The following REDIC1 variants were observed in gnomAD, a reference collection of about 807,000 sequenced individuals.
REDIC1 encodes the protein HEI10 Interacting Protein 1.
the REDIC1 span, among the ~76,000 whole-genome samples, chr12:39,740,534 C>T: frequency 6.6e-6 from 1 of 152,150 alleles, no homozygotes; most frequent in African/African-American, 2.4e-5. Flanking sequence ...CTGGGCACCA[C>T]TTTACAAGGT....
chr12:39,886,106 T>C, the REDIC1 span, among the ~76,000 whole-genome samples: 1 of 152,232 alleles, frequency 6.6e-6, no homozygotes, highest in African/African-American at 2.4e-5. Flanking sequence ...AACAGACCTT[T>C]CAATTGACAG....
At chr12:39,703,510 C>T in the REDIC1 span, among the ~76,000 whole-genome samples, 1 of 151,194 alleles carries the variant, frequency 6.6e-6, no homozygotes, top group Non-Finnish European at 1.5e-5. Context: ...CCATACTGCC[C>T]AAGGTAATTT....
chr12:39,732,259 C>T, the REDIC1 span, among the ~76,000 whole-genome samples: 2 of 152,128 alleles, frequency 1.3e-5, no homozygotes, highest in Non-Finnish European at 2.9e-5. Context: ...TGGAGATTTT[C>T]ATAGTCATGG....
the REDIC1 span, among the ~76,000 whole-genome samples, chr12:39,849,614 G>C: frequency 6.6e-6 from 1 of 152,126 alleles, no homozygotes; most frequent in East Asian, 1.9e-4. Flanking sequence ...GAGCAGTTAA[G>C]CTTCTTTGTT....
chr12:39,822,288 T>C, the REDIC1 span, among the ~76,000 whole-genome samples: 1 of 152,156 alleles, frequency 6.6e-6, no homozygotes, highest in Non-Finnish European at 1.5e-5. Flanking sequence ...ATTGAAAATA[T>C]TTAACTCACT....
chr12:39,880,582 A>G, the REDIC1 span, among the ~76,000 whole-genome samples: 1 of 152,360 alleles, frequency 6.6e-6, no homozygotes, highest in South Asian at 2.1e-4. Flanking sequence ...CAGAAAGTTT[A>G]CTTATTAATC....
chr12:39,661,671 A>T, the REDIC1 span, among the ~76,000 whole-genome samples: 1 of 151,892 alleles, frequency 6.6e-6, no homozygotes, highest in Non-Finnish European at 1.5e-5. Context: ...AGTCCCACTT[A>T]TCTATTTTTT....
At chr12:39,784,952 T>C in the REDIC1 span, among the ~76,000 whole-genome samples, 1 of 152,162 alleles carries the variant, frequency 6.6e-6, no homozygotes, top group African/African-American at 2.4e-5. Flanking sequence ...ATTCAAAAAG[T>C]GACTTGGGTG....
At chr12:39,859,330 T>TTTC in the REDIC1 span, among the ~76,000 whole-genome samples, 1 of 110,144 alleles carries the variant, frequency 9.1e-6, no homozygotes, top group African/African-American at 3.9e-5. Flanking sequence ...TTTTTTTTTT[T>TTTC]CTGAAAAAAA....
chr12:39,744,941 G>A, the REDIC1 span, among the ~76,000 whole-genome samples: 3 of 152,258 alleles, frequency 2.0e-5, no homozygotes, highest in East Asian at 3.9e-4. Flanking sequence ...TTGTTTTCAA[G>A]AAGCTCACTT....
the REDIC1 span, among the ~76,000 whole-genome samples, chr12:39,714,190 T>C: frequency 5.1e-5 from 7 of 137,980 alleles, no homozygotes; most frequent in East Asian, 4.1e-4. Flanking sequence ...CATGCATATA[T>C]GTATATATGT....
the REDIC1 span, among the ~76,000 whole-genome samples, chr12:39,631,365 G>T: frequency 3.9e-5 from 6 of 152,066 alleles, no homozygotes; most frequent in African/African-American, 1.4e-4. Context: ...TTCTGCACAA[G>T]ATTTAATTTT....
At chr12:39,781,377 G>A in the REDIC1 span, among the ~76,000 whole-genome samples, 6 of 53,752 alleles carry the variant, frequency 1.1e-4, no homozygotes, top group African/African-American at 5.1e-4. Flanking sequence ...AGGGAGCCCC[G>A]CACAGTCTGG....
chr12:39,754,576 G>T, the REDIC1 span, among the ~76,000 whole-genome samples: 1 of 152,008 alleles, frequency 6.6e-6, no homozygotes, highest in African/African-American at 2.4e-5. Flanking sequence ...GTGTATATTT[G>T]CTAATTATAG....
At chr12:39,816,468 A>G in the REDIC1 span, among the ~76,000 whole-genome samples, 1 of 150,160 alleles carries the variant, frequency 6.7e-6, no homozygotes, top group Non-Finnish European at 1.5e-5. Flanking sequence ...ATTAGGAGAT[A>G]TACCTAATGT....
At chr12:39,821,134 T>A in the REDIC1 span, among the ~76,000 whole-genome samples, 10 of 152,144 alleles carry the variant, frequency 6.6e-5, 1 homozygote, top group Middle Eastern at 6.8e-3. Context: ...TCAAAAAAAA[T>A]TTTTCGCAGT....
chr12:39,843,667 C>T, the REDIC1 span, among the ~76,000 whole-genome samples: 1 of 152,074 alleles, frequency 6.6e-6, no homozygotes, highest in Non-Finnish European at 1.5e-5. Context: ...CTCTCCAGCT[C>T]TATGCTTCAC....
chr12:39,729,804 G>A, the REDIC1 span, among the ~76,000 whole-genome samples: 17 of 152,130 alleles, frequency 1.1e-4, no homozygotes, highest in Admixed American at 2.0e-4. Context: ...AAGTCTCTTT[G>A]TAGATCTCTA....
the REDIC1 span, among the ~76,000 whole-genome samples, chr12:39,866,590 C>T: frequency 4.6e-5 from 7 of 152,140 alleles, no homozygotes; most frequent in Admixed American, 4.6e-4. Flanking sequence ...CGCCATTCTC[C>T]TGCCTCAGCC....
Sources: allele counts gnomAD v4.1 joint callset (sites outside exome capture counted in the v4.1 genomes callset), GRCh38; gene constraint gnomAD v4.1.1; transcripts MANE v1.5; gene names NCBI Gene and HGNC (gene_info 2026-07-23, HGNC 2026-07-21).